The following IL27RA variants were observed in gnomAD, a reference collection of about 807,000 sequenced individuals.
The protein encoded by IL27RA is interleukin-27 receptor subunit alpha.
IL27RA carries 61 observed loss-of-function variants against 80.8 expected under a neutral mutation model. That is an observed-to-expected ratio of 0.76 (90% CI 0.61 to 0.93). The LOEUF (loss-of-function observed/expected upper bound fraction) is 0.93. Ranked by LOEUF, IL27RA falls within the 40% of genes least tolerant of loss-of-function variation. IL27RA has a pLI of 0.00. For synonymous variants in IL27RA, 316 were observed against 332.5 expected (o/e 0.95, Z 0.54); for missense variants, 735 against 808.1 (o/e 0.91, Z 1.10).
intron 2 of IL27RA, among the ~76,000 whole-genome samples, chr19:14,033,007 G>A (rs1206150849): frequency 6.6e-6 from 1 of 151,160 alleles, no homozygotes; most frequent in Non-Finnish European, 1.5e-5. Flanking sequence ...GAGGTGGTTT[G>A]CACCTGTCAT....
At position 14,039,832 on chromosome 19, in the gene IL27RA, C is replaced by T; in HGVS notation, c.456C>T (p.Ala152=). 4.3e-6 allele frequency: 7 copies of T among 1,614,118 alleles called. No homozygotes were observed. Among genetic ancestry groups the T allele is most frequent in the Non-Finnish European group, 5.9e-6 (7 of 1,180,008 alleles). Residue 152 remains alanine (A), a synonymous_variant, in exon 4 of 14, where the codon GCC becomes GCT. Transcript: ENST00000263379. Reference sequence around the variant, plus strand: ...CCCTGGAGGCCACTGTCCATTGGGCCCCACCTACATGGCCATCTCATAAAG... The same window carrying T: ...CCCTGGAGGCCACTGTCCATTGGGCTCCACCTACATGGCCATCTCATAAAG... ...DDPLEATVHW[A]PPTWPSHKVL...
chr19:14,037,932 G>A (rs376211821), intron 2 of IL27RA, among the ~76,000 whole-genome samples: 121 of 150,432 alleles, frequency 8.0e-4, no homozygotes, highest in African/African-American at 2.9e-3. Context: ...CCTGGTTCAA[G>A]CGATTCTCCT....
At chr19:14,045,458 G>A (rs1412267026) in intron 6 of IL27RA, among the ~76,000 whole-genome samples, 6 of 151,554 alleles carry the variant, frequency 4.0e-5, no homozygotes, top group East Asian at 3.9e-4. Context: ...AAAATTAGCC[G>A]GACGTGGTGG....
rs199734332 is a variant in IL27RA at position 14,051,601 on chromosome 19, T to G, written c.1529-6T>G. On this transcript the variant is annotated splice_polypyrimidine_tract_variant and splice_region_variant and intron_variant, in intron 11 of 13. Coordinates refer to ENST00000263379, the MANE Select transcript of IL27RA (RefSeq NM_004843.4). ...ATTAAGAATGATCTCTTCCCTACCC[T>G]ACCAGATAACACCCTGAGGTGGAAA... The G allele has an allele frequency of 3.2e-6, 5 of 1,544,046 alleles. No individual in the cohort carries two copies. The highest frequency in any genetic ancestry group is 3.5e-6 in the Non-Finnish European group (4 of 1,127,546).
intron 6 of IL27RA, among the ~76,000 whole-genome samples, chr19:14,045,361 G>A (rs189788454): frequency 1.3e-5 from 2 of 150,854 alleles, no homozygotes; most frequent in African/African-American, 4.9e-5. Context: ...AGGCCGAGAC[G>A]GGCGGATTTT....
In IL27RA at chr19:14,050,888, G is replaced by A. The variant is rs190031007; in HGVS notation, c.1528+5G>A. 10 of 1,604,166 alleles carry A rather than the reference G, an allele frequency of 6.2e-6. No homozygotes were observed. The Admixed American group carries it at 8.4e-5, about 13-fold the overall frequency. ...TCCTCCGGCTTCATCTACCAGGTAG[G>A]GGGGTTGGGATGGGATTGCCACAGG... On this transcript the variant is annotated splice_donor_5th_base_variant and intron_variant, in intron 11 of 13. Coordinates refer to ENST00000263379, the MANE Select transcript of IL27RA (RefSeq NM_004843.4).
At chr19:14,035,343 T>C (rs1975882242) in intron 2 of IL27RA, among the ~76,000 whole-genome samples, 1 of 151,452 alleles carries the variant, frequency 6.6e-6, no homozygotes, top group African/African-American at 2.4e-5. Flanking sequence ...TCAGTGGCAT[T>C]AAGTACATTC....
Position 14,046,479 on chromosome 19 carries a change from C to A in IL27RA, c.1002C>A (p.Ser334Arg). 1 of 1,614,124 alleles carries A rather than the reference C, an allele frequency of 6.2e-7. No individual in the cohort carries two copies. The highest frequency in any genetic ancestry group is 2.2e-5 in the East Asian group (1 of 44,880). Residue 334 changes from serine (S) to arginine (R), a missense_variant, in exon 8 of 14, where the codon AGC becomes AGA. Ser to Arg is a moderately radical substitution (Grantham distance 110, BLOSUM62 -1). Transcript: ENST00000263379. Reference sequence around the variant, plus strand: ...TGGCAGTCAGCAGCATCGCTGGGAGCACGGAGCTACTGGTGACCTGGCAAC... The same window carrying A: ...TGGCAGTCAGCAGCATCGCTGGGAGAACGGAGCTACTGGTGACCTGGCAAC... ...RSVAVSSIAG[S>R]TELLVTWQPG...
chr19:14,043,818 T>G (rs1599300879), intron 6 of IL27RA, among the ~76,000 whole-genome samples: 1 of 150,870 alleles, frequency 6.6e-6, no homozygotes, highest in Admixed American at 6.6e-5. Flanking sequence ...GAGGCTCAGG[T>G]GGGCAGATCA....
At position 14,051,596 on chromosome 19, in the gene IL27RA, T is replaced by A; in HGVS notation, c.1529-11T>A. The A allele has an allele frequency of 6.7e-7, 1 of 1,496,114 alleles. No individual in the cohort carries two copies. The highest frequency in any genetic ancestry group is 1.4e-5 in the African/African-American group (1 of 71,486). 92.7% of individuals were successfully genotyped at this position (1,496,114 alleles called of 1,614,324 possible). On this transcript the variant is annotated splice_polypyrimidine_tract_variant and intron_variant, in intron 11 of 13. Transcript: ENST00000263379. ...AAAAAATTAAGAATGATCTCTTCCC[T>A]ACCCTACCAGATAACACCCTGAGGT...
At chr19:14,043,963 G>A (rs1345959248) in intron 6 of IL27RA, among the ~76,000 whole-genome samples, 2 of 148,812 alleles carry the variant, frequency 1.3e-5, no homozygotes, top group African/African-American at 2.5e-5. Flanking sequence ...CAGGAGAATC[G>A]CTTGAACCTG....
At chr19:14,038,741 G>A (rs769021511) in intron 2 of IL27RA, among the ~76,000 whole-genome samples, 7 of 151,818 alleles carry the variant, frequency 4.6e-5, no homozygotes, top group South Asian at 2.1e-4. Context: ...AAAACTAGCC[G>A]GGAGTGGTGG....
At chr19:14,041,603 C>T (rs560080391) in intron 4 of IL27RA, among the ~76,000 whole-genome samples, 24 of 152,266 alleles carry the variant, frequency 1.6e-4, no homozygotes, top group African/African-American at 5.5e-4. Context: ...TCAGTTCCCT[C>T]GTCTGTAAAA....
At chr19:14,045,070 A>C (rs1429303574) in intron 6 of IL27RA, among the ~76,000 whole-genome samples, 1 of 150,496 alleles carries the variant, frequency 6.6e-6, no homozygotes. Flanking sequence ...CAGTGAGCTC[A>C]GATTGCGCCA....
At chr19:14,037,832 C>CTTTTTT (rs1555764859) in intron 2 of IL27RA, among the ~76,000 whole-genome samples, 2 of 125,056 alleles carry the variant, frequency 1.6e-5, no homozygotes, top group Admixed American at 8.1e-5. Flanking sequence ...CGCTCTCTCT[C>CTTTTTT]TCTTTTTTTT....
At chr19:14,048,725 G>A (rs557863300) in intron 8 of IL27RA, among the ~76,000 whole-genome samples, 53 of 152,272 alleles carry the variant, frequency 3.5e-4, no homozygotes, top group Admixed American at 1.2e-3. Flanking sequence ...CTGACTCTGC[G>A]ATGCCTGCTC....
In IL27RA at chr19:14,052,264, C is replaced by G; in HGVS notation, c.1885C>G (p.Pro629Ala). The G allele has an allele frequency of 6.5e-7, 1 of 1,535,340 alleles. No homozygotes were observed. The highest frequency in any genetic ancestry group is 8.7e-7 in the Non-Finnish European group (1 of 1,144,036). Residue 629 changes from proline (P) to alanine (A), a missense_variant, in exon 14 of 14, where the codon CCC (proline) becomes GCC (alanine). Physicochemically the swap from Pro to Ala is conservative, Grantham distance 27. Transcript: ENST00000263379. The part of the protein sequence containing the change: ...PTPEELGLLG[P>A]PRPQVLA ...ACCTGAGGAGCTGGGCCTTCTGGGG[C>G]CCCCCAGGCCACAGGTTCTGGCCTG... is the stretch of plus-strand genomic sequence containing the variant.
At chr19:14,049,121 C>T (rs372472524) in intron 9 of IL27RA, 35 bp from the exon 10 acceptor site, 197 of 1,612,522 alleles carry the variant, frequency 1.2e-4, no homozygotes, top group Non-Finnish European at 1.6e-4. Flanking sequence ...CTTCTGTAAC[C>T]CAGGCCGACC....
chr19:14,034,418 G>T (rs1975867629), intron 2 of IL27RA, among the ~76,000 whole-genome samples: 1 of 152,116 alleles, frequency 6.6e-6, no homozygotes, highest in South Asian at 2.1e-4. Flanking sequence ...CCAGCACTTT[G>T]GGAGGCCGAG....
Sources: gnomAD v4.1 joint callset for allele counts (sites outside exome capture counted in the v4.1 genomes callset) on GRCh38, gnomAD v4.1.1 for gene constraint, MANE v1.5 for transcripts, NCBI Gene and HGNC (gene_info 2026-07-23, HGNC 2026-07-21) for gene names.